Variants in NTN1 observed in about 807,000 individuals in gnomAD.
The protein encoded by NTN1 is netrin-1.
Under a neutral mutation model 54.2 loss-of-function variants are expected in NTN1, and 11 were observed. The observed-to-expected ratio is 0.20, with a 90% CI of 0.13 to 0.34. The LOEUF is 0.34. Ranked by LOEUF, NTN1 falls within the 10% of genes least tolerant of loss-of-function variation. NTN1 has a pLI of 1.00. For synonymous variants in NTN1, 371 were observed against 382.0 expected, an observed-to-expected ratio of 0.97 and a Z score of 0.33; for missense variants, 740 against 893.1, an observed-to-expected ratio of 0.83 and a Z score of 2.18.
intron 2 of NTN1, among the ~76,000 whole-genome samples, chr17:9,075,651 C>G (rs1252429682): frequency 6.6e-6 from 1 of 152,194 alleles, no homozygotes; most frequent in Non-Finnish European, 1.5e-5. Context: ...CGTCATTGCC[C>G]CTCCTAGCTT....
intron 2 of NTN1, among the ~76,000 whole-genome samples, chr17:9,076,672 G>A (rs919043809): frequency 6.6e-6 from 1 of 152,146 alleles, no homozygotes; most frequent in Non-Finnish European, 1.5e-5. Context: ...CATTGCGCCC[G>A]GCCTAGGTTC....
At chr17:9,153,852 G>A (rs898324325) in intron 2 of NTN1, among the ~76,000 whole-genome samples, 15 of 152,126 alleles carry the variant, frequency 9.9e-5, no homozygotes, top group African/African-American at 1.4e-4. Context: ...TCCTTACCTC[G>A]CCTGGCTCTC....
At chr17:9,235,397 T>C (rs1226355272) in intron 6 of NTN1, among the ~76,000 whole-genome samples, 2 of 152,168 alleles carry the variant, frequency 1.3e-5, no homozygotes, top group African/African-American at 4.8e-5. Flanking sequence ...GCCCCCCTGT[T>C]CCAGCGTTGT....
At chr17:9,192,072 A>T (rs1345125584) in intron 5 of NTN1, among the ~76,000 whole-genome samples, 1 of 152,126 alleles carries the variant, frequency 6.6e-6, no homozygotes, top group Non-Finnish European at 1.5e-5. Context: ...GCAGGTACCC[A>T]CCTACTCTGG....
At chr17:9,098,640 GT>G (rs1470563576) in intron 2 of NTN1, among the ~76,000 whole-genome samples, 1 of 152,200 alleles carries the variant, frequency 6.6e-6, no homozygotes, top group Admixed American at 6.5e-5. Flanking sequence ...GATGCTGGGT[GT>G]TTCCAGCCAC....
rs1905108485 is a variant in NTN1, at chr17:9,211,599, T to C, written c.1412-9569T>C. On this transcript the variant is annotated intron_variant, in intron 5 of 6. Transcript: ENST00000173229. The surrounding 1 kb of genome is among the most constrained non-coding windows in gnomAD (Gnocchi z 4.4). Reference sequence around the variant, plus strand: ...ATTCCTAGAAGTGCGGTTGCTGCGTTGGAGTATGCATGTGTATGTTCTCAG... The same window carrying C: ...ATTCCTAGAAGTGCGGTTGCTGCGTCGGAGTATGCATGTGTATGTTCTCAG... Among the ~76,000 whole-genome samples, 1 of 152,216 alleles carries C rather than the reference T, an allele frequency of 6.6e-6. No individual in the cohort carries two copies. The highest frequency in any genetic ancestry group is 1.9e-4 in the East Asian group (1 of 5,202).
chr17:9,007,359 CTT>C, the NTN1 span, among the ~76,000 whole-genome samples: 342 of 136,576 alleles, frequency 2.5e-3, no homozygotes, highest in African/African-American at 9.0e-3. Flanking sequence ...TTCTCTCTCT[CTT>C]TTCTTTCTTT....
rs73256015 is a variant in NTN1 at position 9,180,616 on chromosome 17, C to T, written c.1357+660C>T. Among the ~76,000 whole-genome samples, 764 of 152,286 alleles carry T rather than the reference C, an allele frequency of 5.0e-3. 10 individuals carry two copies. Among genetic ancestry groups the T allele is most frequent in the African/African-American group, 0.017 (723 of 41,544 alleles). On this transcript the variant is annotated intron_variant, in intron 4 of 6. Transcript: ENST00000173229. ...TCCAGGAGTGCTGTTGTCACTATTGCCGGAATGCCGGCATTCCCCCTGCCC... is the reference window on the plus strand; with the variant it reads ...TCCAGGAGTGCTGTTGTCACTATTGTCGGAATGCCGGCATTCCCCCTGCCC...
intron 6 of NTN1, among the ~76,000 whole-genome samples, chr17:9,230,807 C>T (rs1280830240): frequency 6.6e-6 from 1 of 152,220 alleles, no homozygotes; most frequent in Non-Finnish European, 1.5e-5. Flanking sequence ...TCTGCTCCTT[C>T]CCTGGAGCTT....
chr17:9,066,083 A>G (rs8067288), intron 2 of NTN1, among the ~76,000 whole-genome samples: 47,556 of 152,016 alleles, frequency 0.31, 7,623 homozygotes, highest in East Asian at 0.44. Context: ...GTTAAATGCA[A>G]TTATGTATAT....
intron 2 of NTN1, among the ~76,000 whole-genome samples, chr17:9,026,307 G>A (rs546065473): frequency 6.7e-6 from 1 of 148,666 alleles, no homozygotes; most frequent in East Asian, 2.0e-4. Context: ...TTTCGGTGTT[G>A]TTTCAAGGTC....
Position 9,022,356 on chromosome 17 carries a change from G to A in NTN1, c.-18G>A, listed in dbSNP as rs2091852712. On this transcript the variant is annotated 5_prime_UTR_variant, in exon 2 of 7. Coordinates refer to ENST00000173229, the MANE Select transcript of NTN1 (RefSeq NM_004822.3). Reference sequence around the variant, plus strand: ...ACAGATCCTCGGCGCGGCAGGGCCGGGGCAAGCTGGACGCAGCATGATGCG... The same window carrying A: ...ACAGATCCTCGGCGCGGCAGGGCCGAGGCAAGCTGGACGCAGCATGATGCG... 5 of 1,287,086 alleles carry A rather than the reference G, an allele frequency of 3.9e-6. No homozygotes were observed. The highest frequency in any genetic ancestry group is 8.4e-5 in the Admixed American group (2 of 23,672). 79.7% of individuals were successfully genotyped at this position (1,287,086 alleles called of 1,614,324 possible).
At chr17:9,142,935 G>A (rs796541314) in intron 2 of NTN1, among the ~76,000 whole-genome samples, 28 of 152,314 alleles carry the variant, frequency 1.8e-4, no homozygotes, top group African/African-American at 6.7e-4. Flanking sequence ...AATATTTAAA[G>A]TACACATACA....
At chr17:9,235,718 G>A (rs1905961654) in intron 6 of NTN1, among the ~76,000 whole-genome samples, 1 of 151,384 alleles carries the variant, frequency 6.6e-6, no homozygotes, top group Admixed American at 6.6e-5. Context: ...GGAACTAGCT[G>A]CAGCCTCTTC....
chr17:9,012,536 CA>C, the NTN1 span, among the ~76,000 whole-genome samples: 27 of 132,806 alleles, frequency 2.0e-4, no homozygotes, highest in African/African-American at 3.0e-4. Context: ...AAAAACAAAA[CA>C]AAAAAAAAAA....
chr17:9,066,498 G>C (rs1411799012), intron 2 of NTN1, among the ~76,000 whole-genome samples: 4 of 149,870 alleles, frequency 2.7e-5, no homozygotes, highest in Non-Finnish European at 1.5e-5. Flanking sequence ...TGTGGTGGTG[G>C]GTACCTGTAA....
intron 2 of NTN1, among the ~76,000 whole-genome samples, chr17:9,101,604 G>A (rs2092150488): frequency 6.6e-6 from 1 of 152,210 alleles, no homozygotes; most frequent in Admixed American, 6.5e-5. Context: ...ACCTGGCCAG[G>A]TGAGTGGGGA....
chr17:9,132,232 T>C (rs2142271360), intron 2 of NTN1, among the ~76,000 whole-genome samples: 1 of 152,186 alleles, frequency 6.6e-6, no homozygotes, highest in East Asian at 1.9e-4. Flanking sequence ...CTGGGCTCAT[T>C]CTCCTGTCAC....
rs55880198 is a variant in NTN1 at position 9,096,366 on chromosome 17, C to CCTTTTTTTT, written c.1019-66447_1019-66446insCTTTTTTTT. Among the ~76,000 whole-genome samples, 468 of 91,502 alleles carry CCTTTTTTTT rather than the reference C, an allele frequency of 5.1e-3. 86 individuals carry two copies. Among genetic ancestry groups the CCTTTTTTTT allele is most frequent in the East Asian group, 7.0e-3 (17 of 2,444 alleles). 60.0% of individuals were successfully genotyped at this position (91,502 alleles called of 152,430 possible). A position where few individuals can be genotyped will look rare whatever the true frequency, so the allele number is the denominator to read the frequency against. ...TGTCTTCCTGGGTTTTATGGGTAGA[C>CCTTTTTTTT]TTTTTTTTTTTTTTTTTTTTTTGAG... is the stretch of plus-strand genomic sequence containing the variant. On this transcript the variant is annotated intron_variant, in intron 2 of 6. Coordinates refer to ENST00000173229, the MANE Select transcript of NTN1 (RefSeq NM_004822.3).
Sources: allele counts gnomAD v4.1 joint callset (sites outside exome capture counted in the v4.1 genomes callset), GRCh38; gene constraint gnomAD v4.1.1; non-coding constraint Gnocchi (gnomAD v3.1); transcripts MANE v1.5; gene names NCBI Gene and HGNC (gene_info 2026-07-23, HGNC 2026-07-21).